NLGN3: variants seen among roughly 807,000 people sequenced by gnomAD.
NLGN3 encodes the protein neuroligin-3.
NLGN3 carries 11 observed loss-of-function variants against 42.9 expected under a neutral mutation model. The ratio of observed to expected loss-of-function variants is 0.26; its 90% CI spans 0.16 to 0.42. The LOEUF (loss-of-function observed/expected upper bound fraction) is 0.42. Ranked by LOEUF, NLGN3 falls within the 10% of genes least tolerant of loss-of-function variation. NLGN3 has a pLI of 1.00. For synonymous variants in NLGN3, 279 were observed against 312.7 expected, an observed-to-expected ratio of 0.89 and a Z score of 1.14; for missense variants, 374 against 733.8, an observed-to-expected ratio of 0.51 and a Z score of 5.67.
intron 1 of NLGN3, among the ~76,000 whole-genome samples, chrX:71,145,595 G>A (rs62609614): frequency 0.25 from 27,160 of 108,155 alleles, 2,900 homozygotes; most frequent in Middle Eastern, 0.48. Context: ...GGACCAGGAT[G>A]GAGATCTTGG....
Position 71,167,745 on chromosome X carries a change from G to T in NLGN3, c.1648G>T (p.Asp550Tyr). The change falls in exon 7 of 8, where the codon GAT becomes TAT. Residue 550 changes from aspartate to tyrosine, a missense_variant. This residue lies in a region of NLGN3 where 142 missense variants were observed against 359.1 expected (regional missense o/e 0.40). Transcript: ENST00000358741. The stretch of plus-strand genomic sequence containing the variant: ...TTTCCCCTGCAACTTCTCCAAGAAT[G>T]ATGTTATGCTCAGTGCTGTCGTCAT... ...DLFPCNFSKN[D>Y]VMLSAVVMTY... is the part of the protein sequence containing the mutation. The T allele has an allele frequency of 8.3e-7, 1 of 1,211,539 alleles. No homozygotes were observed. Among genetic ancestry groups the T allele is most frequent in the East Asian group, 3.0e-5 (1 of 33,819 alleles).
chrX:71,153,347 C>CT, intron 3 of NLGN3, 130 bp from the exon 4 acceptor site: 2 of 648,625 alleles, frequency 3.1e-6, no homozygotes, highest in Non-Finnish European at 5.0e-6. Context: ...CTTGCCATCC[C>CT]TCCTGCCTGT....
At chrX:71,161,842 G>A (rs73217041) in intron 5 of NLGN3, among the ~76,000 whole-genome samples, 8,710 of 112,479 alleles carry the variant, frequency 0.077, 378 homozygotes, top group Middle Eastern at 0.22. Context: ...CCTAACCCAG[G>A]AAATTGGTAC....
At chrX:71,153,605 A>G in intron 4 of NLGN3, 69 bp downstream of exon 4, 2 of 932,635 alleles carry the variant, frequency 2.1e-6, no homozygotes, top group Non-Finnish European at 3.1e-6. Flanking sequence ...CGATGGGGAG[A>G]AGCCCCGTCT....
intron 5 of NLGN3, among the ~76,000 whole-genome samples, chrX:71,156,511 T>C (rs1327159428): frequency 9.1e-6 from 1 of 110,186 alleles, no homozygotes; most frequent in Non-Finnish European, 1.9e-5. Context: ...CACATATGCA[T>C]GCACGCGTAT....
Position 71,155,381 on chromosome X carries a change from G to T in NLGN3, c.727+18G>T. On this transcript the variant is annotated intron_variant, in intron 5 of 7. Transcript: ENST00000358741. Reference sequence around the variant, plus strand: ...AGTGCTAGGTATGGTTCCCTGCCTGGTGCCTGGAAGGAAGACTGGCTTCGC... The same window carrying T: ...AGTGCTAGGTATGGTTCCCTGCCTGTTGCCTGGAAGGAAGACTGGCTTCGC... 2 of 1,210,630 alleles carry T rather than the reference G, an allele frequency of 1.7e-6. No individual in the cohort carries two copies. The highest frequency in any genetic ancestry group is 2.2e-6 in the Non-Finnish European group (2 of 894,246).
intron 5 of NLGN3, among the ~76,000 whole-genome samples, chrX:71,163,633 C>T (rs750387551): frequency 8.9e-6 from 1 of 112,288 alleles, no homozygotes; most frequent in African/African-American, 3.2e-5. Flanking sequence ...TCATTTTATC[C>T]TTGTTACAAC....
At position 71,169,936 on chromosome X, in the gene NLGN3, C is replaced by G. The variant is rs746873968; in HGVS notation, c.2386C>G (p.Leu796Val). The G allele has an allele frequency of 2.5e-6, 3 of 1,204,189 alleles. No individual in the cohort carries two copies. The highest frequency in any genetic ancestry group is 4.4e-5 in the Admixed American group (2 of 45,241). ...LTALPDYTLT[L>V]RRSPDDIPLM... Reference sequence around the variant, plus strand: ...TGCATTGCCCGACTACACCCTGACCCTGCGGCGCTCCCCGGATGACATCCC... The same window carrying G: ...TGCATTGCCCGACTACACCCTGACCGTGCGGCGCTCCCCGGATGACATCCC... Residue 796 changes from leucine to valine, a missense_variant, in exon 8 of 8, where the codon CTG becomes GTG. Around this residue, in one of 6 missense-constraint regions of NLGN3, gnomAD observed 92 missense variants for 108.0 expected, o/e 0.85. Transcript: ENST00000358741.
At chrX:71,171,427 C>T (rs1160090345), downstream of NLGN3, among the ~76,000 whole-genome samples, 1 of 109,898 alleles carries the variant, frequency 9.1e-6, no homozygotes, top group African/African-American at 3.3e-5. Flanking sequence ...ATCCCCCTGC[C>T]CCCAGCGCGC....
chrX:71,170,311 G>A lies in NLGN3; in HGVS notation c.*214G>A. ...AAAACACAAATACGGAAGTAAACCT[G>A]AACAAACCCTTTAAATGGGGACGCA... On this transcript the variant is annotated 3_prime_UTR_variant, in exon 8 of 8. Transcript: ENST00000358741. 1 of 1,092,405 alleles carries A rather than the reference G, an allele frequency of 9.2e-7. No homozygotes were observed. The highest frequency in any genetic ancestry group is 1.2e-6 in the Non-Finnish European group (1 of 838,452). 90.0% of individuals were successfully genotyped at this position (1,092,405 alleles called of 1,213,427 possible). A position where few individuals can be genotyped will look rare whatever the true frequency, so the allele number is the denominator to read the frequency against.
At chrX:71,145,938 C>T (rs1292741289) in intron 1 of NLGN3, among the ~76,000 whole-genome samples, 1 of 91,687 alleles carries the variant, frequency 1.1e-5, no homozygotes, top group Non-Finnish European at 2.2e-5. Flanking sequence ...ACACACCCAC[C>T]CACTCCCTCC....
chrX:71,167,106 A>G lies in NLGN3; in HGVS notation c.1009A>G (p.Lys337Glu). ...PVKYTSLLADKVGCNVLDTVD... is the reference protein window; with the variant it reads ...PVKYTSLLADEVGCNVLDTVD... Reference sequence around the variant, plus strand: ...GAAGTACACCAGCCTGCTGGCAGACAAAGTGGGCTGTAATGTGCTGGACAC... The same window carrying G: ...GAAGTACACCAGCCTGCTGGCAGACGAAGTGGGCTGTAATGTGCTGGACAC... The change falls in exon 7 of 8, where the codon AAA becomes GAA. Residue 337 changes from lysine to glutamate, a missense_variant. Lys to Glu is a moderately conservative substitution (Grantham distance 56). This residue lies in a region of NLGN3 where 142 missense variants were observed against 359.1 expected (regional missense o/e 0.40). Coordinates refer to ENST00000358741, the MANE Select transcript of NLGN3 (RefSeq NM_181303.2). 1 of 1,211,972 alleles carries G rather than the reference A, an allele frequency of 8.3e-7. No individual in the cohort carries two copies. Among genetic ancestry groups the G allele is most frequent in the Non-Finnish European group, 1.1e-6 (1 of 895,514 alleles).
chrX:71,157,622 C>T (rs2092414605), intron 5 of NLGN3, among the ~76,000 whole-genome samples: 1 of 111,388 alleles, frequency 9.0e-6, no homozygotes, highest in Admixed American at 9.6e-5. Context: ...CCACGCCTGG[C>T]CCTTAATTTT....
intron 5 of NLGN3, 144 bp from the exon 6 acceptor site, chrX:71,163,999 A>G: frequency 7.1e-6 from 4 of 562,410 alleles, no homozygotes; most frequent in Middle Eastern, 5.1e-4. Context: ...AGAAAGGAGC[A>G]CTGCTTTAAG....
Position 71,147,848 on chromosome X carries a change from G to A in NLGN3, c.99G>A (p.Leu33=). The change falls in exon 2 of 8, where the codon CTG becomes CTA. Residue 33 remains leucine (L), a synonymous_variant. Coordinates refer to ENST00000358741, the MANE Select transcript of NLGN3 (RefSeq NM_181303.2). ...CLTLWFLSLA[L]RASTQAPAPT... Reference sequence around the variant, plus strand: ...CCCTGTGGTTCCTCAGTTTGGCGCTGAGGGCCAGTACCCAGGCCCCAGCAC... The same window carrying A: ...CCCTGTGGTTCCTCAGTTTGGCGCTAAGGGCCAGTACCCAGGCCCCAGCAC... The A allele has an allele frequency of 8.3e-7, 1 of 1,208,478 alleles. No individual in the cohort carries two copies. The highest frequency in any genetic ancestry group is 1.1e-6 in the Non-Finnish European group (1 of 893,627).
intron 2 of NLGN3, among the ~76,000 whole-genome samples, 165 bp from the exon 3 acceptor site, chrX:71,148,681 G>A (rs1328600072): frequency 9.2e-6 from 1 of 108,924 alleles, no homozygotes; most frequent in Non-Finnish European, 1.9e-5. Context: ...CTCCTCCCGC[G>A]GGGGTCACAC....
At position 71,147,624 on chromosome X, in the gene NLGN3, A is replaced by C. The variant is rs1438076879; in HGVS notation, c.-126A>C. 1 of 569,351 alleles carries C rather than the reference A, an allele frequency of 1.8e-6. No individual in the cohort carries two copies. The highest frequency in any genetic ancestry group is 2.9e-6 in the Non-Finnish European group (1 of 340,979). The allele number at this position is 569,351 out of a possible 1,213,427, so 46.9% of individuals were successfully genotyped here. A position where few individuals can be genotyped will look rare whatever the true frequency, so the allele number is the denominator to read the frequency against. On this transcript the variant is annotated 5_prime_UTR_variant, in exon 2 of 8. Coordinates refer to ENST00000358741, the MANE Select transcript of NLGN3 (RefSeq NM_181303.2). ...CGACCTGCTCTCTACATTGCTGGGC[A>C]CCTGTAGGTGTCCCTCGAGAGCTCA...
In NLGN3 at chrX:71,165,121, T is replaced by A. The variant is rs1284693539; in HGVS notation, c.913+793T>A. ...AATCTGTGAGCGAGGATGCTTTTTT[T>A]CTTTTTTAATTGAACACTAACCCCC... On this transcript the variant is annotated intron_variant, in intron 6 of 7. Coordinates refer to ENST00000358741, the MANE Select transcript of NLGN3 (RefSeq NM_181303.2). Among the ~76,000 whole-genome samples the A allele has an allele frequency of 3.6e-5, 4 of 112,234 alleles. No individual in the cohort carries two copies. In the South Asian group the frequency reaches 1.5e-3, roughly 42 times the overall value.
At chrX:71,158,057 CTTTT>C (rs892525960) in intron 5 of NLGN3, among the ~76,000 whole-genome samples, 1 of 107,969 alleles carries the variant, frequency 9.3e-6, no homozygotes, top group African/African-American at 3.4e-5. Flanking sequence ...TGCACACTTT[CTTTT>C]TTTAATTAAT....
Sources: gnomAD v4.1 joint callset for allele counts (sites outside exome capture counted in the v4.1 genomes callset) on GRCh38, gnomAD v4.1.1 for gene constraint, gnomAD v4.1.1 regional missense constraint, MANE v1.5 for transcripts, NCBI Gene and HGNC (gene_info 2026-07-23, HGNC 2026-07-21) for gene names.